The following FRMD3 variants were observed in gnomAD, a reference collection of about 807,000 sequenced individuals.
FRMD3 encodes FERM domain containing 3.
In FRMD3, 33 loss-of-function variants were observed where a neutral mutation model predicts 70.2. The ratio of observed to expected loss-of-function variants is 0.47; its 90% CI spans 0.36 to 0.63. The LOEUF (loss-of-function observed/expected upper bound fraction) is 0.63, where lower values mean the gene tolerates loss of function less well. FRMD3 is among the 20% of genes least tolerant of loss of function. FRMD3 has a pLI of 0.00. For missense variants in FRMD3, 632 were observed against 711.4 expected, an observed-to-expected ratio of 0.89 and a Z score of 1.27; for synonymous variants, 279 against 255.9, an observed-to-expected ratio of 1.09 and a Z score of -0.86.
intron 1 of FRMD3, among the ~76,000 whole-genome samples, chr9:83,511,204 C>T (rs553870959): frequency 5.7e-4 from 87 of 152,292 alleles, no homozygotes; most frequent in African/African-American, 2.0e-3. Context: ...TAGTGACTTA[C>T]TTAGGAAATG....
chr9:83,571,554 T>C, the FRMD3 span, among the ~76,000 whole-genome samples: 1 of 152,206 alleles, frequency 6.6e-6, no homozygotes, highest in South Asian at 2.1e-4. Flanking sequence ...TTTAGTTGCG[T>C]GTTGACATCT....
chr9:83,317,516 A>G (rs1643430469), intron 6 of FRMD3, among the ~76,000 whole-genome samples: 1 of 152,200 alleles, frequency 6.6e-6, no homozygotes, highest in Admixed American at 6.5e-5. Flanking sequence ...CATTCTCATT[A>G]TTCATTGAAC....
At chr9:83,527,610 G>A (rs867993435) in intron 1 of FRMD3, among the ~76,000 whole-genome samples, 7 of 152,146 alleles carry the variant, frequency 4.6e-5, no homozygotes, top group African/African-American at 9.7e-5. Flanking sequence ...CCACCTGGAA[G>A]CGTGCTAAGA....
the FRMD3 span, among the ~76,000 whole-genome samples, chr9:83,577,014 ACTT>A: frequency 1.3e-5 from 2 of 152,122 alleles, no homozygotes; most frequent in South Asian, 2.1e-4. Flanking sequence ...AAAATAAAAT[ACTT>A]CTTTTTAAAA....
intron 3 of FRMD3, among the ~76,000 whole-genome samples, chr9:83,359,141 A>T (rs1478602669): frequency 6.6e-6 from 1 of 152,178 alleles, no homozygotes; most frequent in East Asian, 1.9e-4. Context: ...ACAGGTTTTT[A>T]AAATCATGTT....
chr9:83,324,614 T>C (rs893177727), intron 6 of FRMD3, among the ~76,000 whole-genome samples: 2 of 152,210 alleles, frequency 1.3e-5, no homozygotes, highest in Non-Finnish European at 2.9e-5. Flanking sequence ...GGGTATTTAT[T>C]GATCAAGAGG....
the FRMD3 span, among the ~76,000 whole-genome samples, chr9:83,565,293 G>A: frequency 2.0e-5 from 3 of 152,130 alleles, no homozygotes; most frequent in Non-Finnish European, 4.4e-5. Flanking sequence ...GCCAAACCAG[G>A]TCATCTCAAG....
At chr9:83,429,842 A>C (rs1329668006) in intron 1 of FRMD3, among the ~76,000 whole-genome samples, 5 of 151,840 alleles carry the variant, frequency 3.3e-5, no homozygotes, top group Admixed American at 6.6e-5. Context: ...CCTGGCTCCA[A>C]CTCTGACCTC....
chr9:83,343,741 G>A (rs1823857629), intron 4 of FRMD3, among the ~76,000 whole-genome samples: 1 of 152,240 alleles, frequency 6.6e-6, no homozygotes, highest in East Asian at 1.9e-4. Context: ...GGGGCAGAGA[G>A]ACACATTAAT....
chr9:83,298,434 G>A (rs1834764691), intron 12 of FRMD3, among the ~76,000 whole-genome samples: 1 of 152,214 alleles, frequency 6.6e-6, no homozygotes, highest in Admixed American at 6.5e-5. Flanking sequence ...ACTTGTAAGA[G>A]GATGAGATGA....
chr9:83,477,234 T>C (rs748280788), intron 1 of FRMD3, among the ~76,000 whole-genome samples: 4 of 152,170 alleles, frequency 2.6e-5, no homozygotes, highest in Non-Finnish European at 5.9e-5. Flanking sequence ...TAGGAACTTT[T>C]GACAACTAGG....
chr9:83,269,371 G>C (rs2118786091), intron 13 of FRMD3, among the ~76,000 whole-genome samples: 1 of 152,206 alleles, frequency 6.6e-6, no homozygotes, highest in East Asian at 1.9e-4. Flanking sequence ...TTTTCTACCA[G>C]GATAGTTATT....
chr9:83,565,752 G>A, the FRMD3 span, among the ~76,000 whole-genome samples: 2 of 152,154 alleles, frequency 1.3e-5, no homozygotes, highest in Non-Finnish European at 2.9e-5. Flanking sequence ...TAATAATATG[G>A]ATTCAGCTGA....
chr9:83,334,016 C>A (rs573974711), intron 6 of FRMD3, among the ~76,000 whole-genome samples: 1 of 152,014 alleles, frequency 6.6e-6, no homozygotes, highest in East Asian at 1.9e-4. Context: ...ATGTTCTGAG[C>A]GTTAGAGGCC....
chr9:83,253,225 C>T (rs891414275), intron 13 of FRMD3, among the ~76,000 whole-genome samples: 2 of 152,294 alleles, frequency 1.3e-5, no homozygotes, highest in South Asian at 2.1e-4. Context: ...TCATTCAAAA[C>T]CACACAACTA....
intron 1 of FRMD3, among the ~76,000 whole-genome samples, chr9:83,528,674 C>A (rs544677805): frequency 6.6e-6 from 1 of 152,028 alleles, no homozygotes. Context: ...GGACTACAGG[C>A]ACGCACCAAG....
chr9:83,429,640 C>T (rs1332472657), intron 1 of FRMD3, among the ~76,000 whole-genome samples: 1 of 152,210 alleles, frequency 6.6e-6, no homozygotes, highest in Non-Finnish European at 1.5e-5. Flanking sequence ...AATCATGCTT[C>T]TTCCTGGGCC....
rs35538787 is a variant in FRMD3, at chr9:83,344,824, A to AGTGTGTGTGTGTGTGTGT, written c.375-1555_375-1538dup. 6.7e-4 allele frequency among the ~76,000 whole-genome samples: 96 copies of AGTGTGTGTGTGTGTGTGT among 144,076 alleles called. 2 individuals carry two copies. The highest frequency in any genetic ancestry group is 2.2e-3 in the African/African-American group (86 of 39,136). The allele number at this position is 144,076 out of a possible 152,430, so 94.5% of individuals were successfully genotyped here. ...GTGTGTGTGCATGCGTGCATGTGTG[A>AGTGTGTGTGTGTGTGTGT]GTGTGTGTGTGTGTGTGTGTGTGTG... On this transcript the variant is annotated intron_variant, in intron 4 of 13. Transcript: ENST00000304195.
intron 1 of FRMD3, among the ~76,000 whole-genome samples, chr9:83,504,645 A>AG (rs1829143975): frequency 6.6e-6 from 1 of 152,020 alleles, no homozygotes; most frequent in Non-Finnish European, 1.5e-5. Context: ...CCACCTTATC[A>AG]GGGACACCTT....
Sources: allele counts gnomAD v4.1 joint callset (sites outside exome capture counted in the v4.1 genomes callset), GRCh38; gene constraint gnomAD v4.1.1; transcripts MANE v1.5; gene names NCBI Gene and HGNC (gene_info 2026-07-23, HGNC 2026-07-21).